TERF2IP: variants seen among roughly 807,000 people sequenced by gnomAD.
TERF2IP encodes telomeric repeat-binding factor 2-interacting protein 1.
A neutral mutation model predicts 33.3 loss-of-function variants in TERF2IP; 35 were observed. The ratio of observed to expected loss-of-function variants is 1.05; its 90% CI spans 0.80 to 1.39. The LOEUF is 1.39. Ranked by LOEUF, TERF2IP falls within the 40% of genes most tolerant of loss-of-function variation. The pLI is 0.00. For missense variants in TERF2IP, 583 were observed against 524.8 expected (o/e 1.11, Z -1.08); for synonymous variants, 253 against 223.2 (o/e 1.13, Z -1.19).
At chr16:75,650,570 C>T (rs532765305) in intron 1 of TERF2IP, among the ~76,000 whole-genome samples, 103 of 152,256 alleles carry the variant, frequency 6.8e-4, no homozygotes, top group Non-Finnish European at 2.6e-4. Flanking sequence ...GGGTCTTGCT[C>T]TGTCACACAG....
intron 1 of TERF2IP, among the ~76,000 whole-genome samples, chr16:75,651,833 T>C (rs2151818543): frequency 6.6e-6 from 1 of 152,326 alleles, no homozygotes; most frequent in South Asian, 2.1e-4. Flanking sequence ...TTGAGATAGC[T>C]TCCATTATAC....
chr16:75,656,336 C>A lies in TERF2IP; in HGVS notation c.925C>A (p.Pro309Thr). 1 of 1,614,024 alleles carries A rather than the reference C, an allele frequency of 6.2e-7. No individual in the cohort carries two copies. Among genetic ancestry groups the A allele is most frequent in the Non-Finnish European group, 8.5e-7 (1 of 1,179,956 alleles). The change falls in exon 3 of 3, where the codon CCA becomes ACA. Residue 309 changes from proline (P) to threonine (T), a missense_variant. Pro to Thr is a conservative substitution (Grantham distance 38). Coordinates refer to ENST00000300086, the MANE Select transcript of TERF2IP (RefSeq NM_018975.4). ...AGAAGAAGAAGAAAAAGTTTCTCAA[C>A]CAGAGGTGGGAGCTGCCATTAAGAT... The part of the protein sequence containing the change: ...EEEEEEKVSQ[P>T]EVGAAIKIIR...
chr16:75,654,487 G>A, intron 2 of TERF2IP, 90 bp downstream of exon 2: 2 of 1,384,402 alleles, frequency 1.4e-6, no homozygotes, highest in Non-Finnish European at 9.7e-7. Context: ...CATCTACCTG[G>A]GGCTCAGGAA....
chr16:75,652,979 T>G (rs1275373694), intron 1 of TERF2IP, among the ~76,000 whole-genome samples: 1 of 152,154 alleles, frequency 6.6e-6, no homozygotes, highest in East Asian at 1.9e-4. Context: ...GAATTCAATA[T>G]TTCTAGATAC....
chr16:75,653,321 A>C (rs966646310), intron 1 of TERF2IP, among the ~76,000 whole-genome samples: 1 of 151,848 alleles, frequency 6.6e-6, no homozygotes, highest in Non-Finnish European at 1.5e-5. Context: ...TTTATGTTTA[A>C]TTTTTTCTTT....
At position 75,647,813 on chromosome 16, in the gene TERF2IP, C is replaced by T; in HGVS notation, c.-70C>T. 6.3e-7 allele frequency: 1 copy of T among 1,595,910 alleles called. No homozygotes were observed. Among genetic ancestry groups the T allele is most frequent in the Non-Finnish European group, 8.6e-7 (1 of 1,166,892 alleles). On this transcript the variant is annotated 5_prime_UTR_variant, in exon 1 of 3. Transcript: ENST00000300086. ...GGCAGAGGCGTCTGCGGTGACAGCTCAGTCAGTTGAGCTCTGTGTGCCAGG... is the reference window on the plus strand; with the variant it reads ...GGCAGAGGCGTCTGCGGTGACAGCTTAGTCAGTTGAGCTCTGTGTGCCAGG...
rs1315303758 is a variant in TERF2IP, at chr16:75,656,341, G to A, written c.930G>A (p.Glu310=). 6.2e-7 allele frequency: 1 copy of A among 1,614,070 alleles called. No individual in the cohort carries two copies. Among genetic ancestry groups the A allele is most frequent in the Admixed American group, 1.7e-5 (1 of 60,028 alleles). ...EEEEEKVSQP[E]VGAAIKIIRQ... is the part of the protein sequence containing the mutation. ...AAGAAGAAAAAGTTTCTCAACCAGA[G>A]GTGGGAGCTGCCATTAAGATCATTC... Residue 310 remains glutamate (E), a synonymous_variant, in exon 3 of 3, where the codon GAG becomes GAA. Coordinates refer to ENST00000300086, the MANE Select transcript of TERF2IP (RefSeq NM_018975.4).
chr16:75,655,192 A>AC (rs1555514934), intron 2 of TERF2IP, among the ~76,000 whole-genome samples: 2 of 152,044 alleles, frequency 1.3e-5, no homozygotes, highest in Admixed American at 1.3e-4. Flanking sequence ...ACTTATAGTA[A>AC]TTTTTTTTAT....
At chr16:75,648,696 A>G in intron 1 of TERF2IP, 144 bp downstream of exon 1, 5 of 1,431,014 alleles carry the variant, frequency 3.5e-6, no homozygotes, top group Non-Finnish European at 3.6e-6. Context: ...AATTTGCACC[A>G]TTTTCTTGCC....
At position 75,656,705 on chromosome 16, in the gene TERF2IP, A is replaced by G; in HGVS notation, c.*94A>G. On this transcript the variant is annotated 3_prime_UTR_variant, in exon 3 of 3. Coordinates refer to ENST00000300086, the MANE Select transcript of TERF2IP (RefSeq NM_018975.4). ...AACTTTAGAGAGTTCTTGCATTGGA[A>G]CTGGCACTTATTTTCTGACCATCGC... 2 of 1,212,984 alleles carry G rather than the reference A, an allele frequency of 1.6e-6. No individual in the cohort carries two copies. Among genetic ancestry groups the G allele is most frequent in the South Asian group, 1.5e-5 (1 of 64,752 alleles). 75.1% of individuals were successfully genotyped at this position (1,212,984 alleles called of 1,614,324 possible).
At chr16:75,655,712 C>T (rs2082379479) in intron 2 of TERF2IP, among the ~76,000 whole-genome samples, 1 of 152,174 alleles carries the variant, frequency 6.6e-6, no homozygotes, top group Non-Finnish European at 1.5e-5. Flanking sequence ...ATTCATACAG[C>T]AGTGCTTTTT....
At chr16:75,651,411 G>A (rs118104716) in intron 1 of TERF2IP, among the ~76,000 whole-genome samples, 4,697 of 152,216 alleles carry the variant, frequency 0.031, 96 homozygotes, top group Middle Eastern at 0.058. Context: ...AAATCAGACC[G>A]AGTGCGGTGG....
chr16:75,657,079 G>T lies in TERF2IP; in HGVS notation c.*468G>T, dbSNP rs11556641. The T allele has an allele frequency of 0.032, 4,927 of 153,726 alleles. 121 individuals carry two copies. Among genetic ancestry groups the T allele is most frequent in the African/African-American group, 0.067 (2,789 of 41,582 alleles). 9.5% of individuals were successfully genotyped at this position (153,726 alleles called of 1,614,324 possible). On this transcript the variant is annotated 3_prime_UTR_variant, in exon 3 of 3. Coordinates refer to ENST00000300086, the MANE Select transcript of TERF2IP (RefSeq NM_018975.4). ...ATTTAATTATGAGGCCTTGAACACGGATTATCCCCAAACCCTTGTCATTTC... is the reference window on the plus strand; with the variant it reads ...ATTTAATTATGAGGCCTTGAACACGTATTATCCCCAAACCCTTGTCATTTC...
chr16:75,652,107 A>G (rs1278346280), intron 1 of TERF2IP, among the ~76,000 whole-genome samples: 1 of 152,198 alleles, frequency 6.6e-6, no homozygotes, highest in Non-Finnish European at 1.5e-5. Context: ...TATCCCGTAG[A>G]TATACTCAGA....
At chr16:75,653,188 A>G (rs752034252) in intron 1 of TERF2IP, among the ~76,000 whole-genome samples, 11 of 151,942 alleles carry the variant, frequency 7.2e-5, no homozygotes, top group Non-Finnish European at 1.3e-4. Context: ...GCTTATTTCC[A>G]TCTTTTGTTT....
At chr16:75,653,857 T>A (rs929708590) in intron 1 of TERF2IP, among the ~76,000 whole-genome samples, 1 of 152,182 alleles carries the variant, frequency 6.6e-6, no homozygotes, top group South Asian at 2.1e-4. Context: ...CCACTCCTGC[T>A]CTTCCACAAA....
chr16:75,656,681 A>G lies in TERF2IP; in HGVS notation c.*70A>G. The G allele has an allele frequency of 1.4e-6, 2 of 1,428,240 alleles. No individual in the cohort carries two copies. Among genetic ancestry groups the G allele is most frequent in the Non-Finnish European group, 1.9e-6 (2 of 1,054,924 alleles). 88.5% of individuals were successfully genotyped at this position (1,428,240 alleles called of 1,614,324 possible). Reference sequence around the variant, plus strand: ...GGTTAAAAAAAATTGTGACCAATGAACTTTAGAGAGTTCTTGCATTGGAAC... The same window carrying G: ...GGTTAAAAAAAATTGTGACCAATGAGCTTTAGAGAGTTCTTGCATTGGAAC... On this transcript the variant is annotated 3_prime_UTR_variant, in exon 3 of 3. Transcript: ENST00000300086.
rs773702576 is a variant in TERF2IP at position 75,656,643 on chromosome 16, T to C, written c.*32T>C. The C allele has an allele frequency of 1.9e-6, 3 of 1,558,714 alleles. No individual in the cohort carries two copies. Among genetic ancestry groups the C allele is most frequent in the East Asian group, 4.5e-5 (2 of 44,478 alleles). ...AGATAATGAGAAAAGAAAAAAGTCA[T>C]GGTAGGTGAGGTGGTTAAAAAAAAT... On this transcript the variant is annotated 3_prime_UTR_variant, in exon 3 of 3. Transcript: ENST00000300086.
chr16:75,647,792 G>C lies in TERF2IP; in HGVS notation c.-91G>C. On this transcript the variant is annotated 5_prime_UTR_variant, in exon 1 of 3. Coordinates refer to ENST00000300086, the MANE Select transcript of TERF2IP (RefSeq NM_018975.4). The stretch of plus-strand genomic sequence containing the variant: ...AGGCCCAGTGCTGCGCTTCGCGGCA[G>C]AGGCGTCTGCGGTGACAGCTCAGTC... The C allele has an allele frequency of 6.3e-7, 1 of 1,584,048 alleles. No homozygotes were observed. The highest frequency in any genetic ancestry group is 8.7e-7 in the Non-Finnish European group (1 of 1,156,056).
Sources: gnomAD v4.1 joint callset for allele counts (sites outside exome capture counted in the v4.1 genomes callset) on GRCh38, gnomAD v4.1.1 for gene constraint, MANE v1.5 for transcripts, NCBI Gene and HGNC (gene_info 2026-07-23, HGNC 2026-07-21) for gene names.